The following KHDC4 variants were observed in gnomAD, a reference collection of about 807,000 sequenced individuals.
The protein encoded by KHDC4 is KH domain containing 4, pre-mRNA splicing factor.
A neutral mutation model predicts 74.5 loss-of-function variants in KHDC4; 19 were observed. That is an observed-to-expected ratio of 0.26 (90% CI 0.18 to 0.37). KHDC4 has a LOEUF of 0.37. Ranked by LOEUF, KHDC4 falls within the 10% of genes least tolerant of loss-of-function variation. The probability of loss-of-function intolerance (pLI) is 1.00; values close to 1 mark genes in which losing one functional copy is unlikely to be tolerated. For synonymous variants in KHDC4, 253 were observed against 266.1 expected (o/e 0.95, Z 0.48); for missense variants, 632 against 754.1 (o/e 0.84, Z 1.90).
intron 6 of KHDC4, 41 bp from the exon 7 acceptor site, chr1:155,925,884 T>G: frequency 7.1e-7 from 1 of 1,413,160 alleles, no homozygotes; most frequent in Non-Finnish European, 1.0e-6. Flanking sequence ...ACAGAATATA[T>G]AATTAAATCC....
chr1:155,929,040 GGTTA>G (rs1382568782), intron 4 of KHDC4, among the ~76,000 whole-genome samples: 13 of 151,812 alleles, frequency 8.6e-5, no homozygotes, highest in African/African-American at 1.7e-4. Context: ...AAATGTTAGT[GGTTA>G]GTATCTTCTT....
At chr1:155,922,980 C>T (rs560011417) in intron 8 of KHDC4, among the ~76,000 whole-genome samples, 1 of 152,006 alleles carries the variant, frequency 6.6e-6, no homozygotes, top group African/African-American at 2.4e-5. Flanking sequence ...CCGAGGCAGG[C>T]GGATCACGAG....
At chr1:155,915,543 T>C in intron 13 of KHDC4, 1 of 335,478 alleles carries the variant, frequency 3.0e-6, no homozygotes. Flanking sequence ...AGTCTTGCTC[T>C]ATTGCCCAGG....
At chr1:155,923,032 C>T (rs755952572) in intron 8 of KHDC4, among the ~76,000 whole-genome samples, 2 of 151,922 alleles carry the variant, frequency 1.3e-5, no homozygotes, top group Admixed American at 6.6e-5. Flanking sequence ...GGTGAAACCC[C>T]GTCTCTACTA....
chr1:155,926,796 T>C lies in KHDC4; in HGVS notation c.561A>G (p.Val187=), dbSNP rs1674010871. 1.9e-6 allele frequency: 3 copies of C among 1,614,218 alleles called. No homozygotes were observed. The highest frequency in any genetic ancestry group is 3.3e-4 in the Middle Eastern group (2 of 6,062). ...RIKEIITNGV[V]KAATGTSPTF... is the part of the protein sequence containing the mutation. Reference sequence around the variant, plus strand: ...TTGGACTTGTTCCTGTGGCAGCTTTTACCACTCCATTGGTGATAATTTCTT... The same window carrying C: ...TTGGACTTGTTCCTGTGGCAGCTTTCACCACTCCATTGGTGATAATTTCTT... The change falls in exon 6 of 14, where the codon GTA becomes GTG. Residue 187 remains valine (V), a synonymous_variant. Coordinates refer to ENST00000368321, the MANE Select transcript of KHDC4 (RefSeq NM_014949.4).
intron 2 of KHDC4, among the ~76,000 whole-genome samples, chr1:155,931,079 T>C (rs1036489897): frequency 3.3e-5 from 5 of 151,736 alleles, no homozygotes; most frequent in African/African-American, 1.2e-4. Flanking sequence ...CCTAGCACTT[T>C]AGGAGGCTGA....
intron 4 of KHDC4, among the ~76,000 whole-genome samples, chr1:155,928,683 T>C (rs1028564861): frequency 3.2e-4 from 48 of 150,530 alleles, no homozygotes; most frequent in Middle Eastern, 7.1e-3. Context: ...CCGGGCGTGG[T>C]GGCTCACGCC....
chr1:155,922,588 A>G (rs939039014), intron 8 of KHDC4, among the ~76,000 whole-genome samples: 2 of 152,214 alleles, frequency 1.3e-5, no homozygotes, highest in African/African-American at 4.8e-5. Context: ...TAACTAGGAA[A>G]TTTCCAAGTT....
intron 2 of KHDC4, chr1:155,932,487 T>C (rs1674161684): frequency 6.6e-6 from 1 of 152,186 alleles, no homozygotes; most frequent in Non-Finnish European, 1.5e-5. Flanking sequence ...CTAAATCCAG[T>C]GTTTATGTAT....
Position 155,933,651 on chromosome 1 carries a change from A to C in KHDC4, c.237T>G (p.Thr79=). The C allele has an allele frequency of 1.2e-6, 2 of 1,608,272 alleles. No individual in the cohort carries two copies. Among genetic ancestry groups the C allele is most frequent in the Non-Finnish European group, 1.7e-6 (2 of 1,175,218 alleles). Residue 79 remains threonine (T), a synonymous_variant, in exon 2 of 14, where the codon ACT becomes ACG. Transcript: ENST00000368321. ...MLMAKGKLKP[T]QNASEKLQAP... ...CAAATACCTTCTCAGAAGCATTCTG[A>C]GTTGGTTTCAGCTTCCCTTTTGCCA... is the stretch of plus-strand genomic sequence containing the variant.
intron 7 of KHDC4, among the ~76,000 whole-genome samples, chr1:155,924,581 T>TC (rs1673942004): frequency 6.7e-6 from 1 of 149,708 alleles, no homozygotes; most frequent in Non-Finnish European, 1.5e-5. Context: ...TCTCTTTTTT[T>TC]TTTTTTTTTT....
Position 155,913,958 on chromosome 1 carries a change from T to C in KHDC4, c.*163A>G. On this transcript the variant is annotated 3_prime_UTR_variant, in exon 14 of 14. Transcript: ENST00000368321. ...ATGCCACTGCAGAAATAAGGATTTT[T>C]GTGGTTGTTAAGGAACCCCTTTAAG... 1 of 608,594 alleles carries C rather than the reference T, an allele frequency of 1.6e-6. No individual in the cohort carries two copies. Among genetic ancestry groups the C allele is most frequent in the East Asian group, 2.8e-5 (1 of 36,310 alleles). The allele number at this position is 608,594 out of a possible 1,614,324, so 37.7% of individuals were successfully genotyped here. A position where few individuals can be genotyped will look rare whatever the true frequency, so the allele number is the denominator to read the frequency against.
At position 155,914,238 on chromosome 1, in the gene KHDC4, C is replaced by T; in HGVS notation, c.1728G>A (p.Glu576=). The T allele has an allele frequency of 6.2e-7, 1 of 1,614,022 alleles. No homozygotes were observed. The highest frequency in any genetic ancestry group is 8.5e-7 in the Non-Finnish European group (1 of 1,179,962). ...AYAADSSDEE[E]EHGGHKNASS... ...TTGCATTTTTATGACCTCCATGTTC[C>T]TCCTCTTCATCAGATGAATCTGCAG... Residue 576 remains glutamate (E), a synonymous_variant, in exon 14 of 14, where the codon GAG becomes GAA. Coordinates refer to ENST00000368321, the MANE Select transcript of KHDC4 (RefSeq NM_014949.4).
At position 155,926,801 on chromosome 1, in the gene KHDC4, C is replaced by T. The variant is rs1295147092; in HGVS notation, c.556G>A (p.Val186Met). The change falls in exon 6 of 14, where the codon GTG (valine) becomes ATG (methionine). Residue 186 changes from valine (V) to methionine (M), a missense_variant. Physicochemically the swap from Val to Met is conservative, Grantham distance 21 (BLOSUM62 1). Around this residue, in one of 4 missense-constraint regions of KHDC4, gnomAD observed 233 missense variants for 342.6 expected, o/e 0.68. Transcript: ENST00000368321. Reference protein sequence around the residue: ...NRIKEIITNGVVKAATGTSPT... With the variant: ...NRIKEIITNGMVKAATGTSPT... ...CTTGTTCCTGTGGCAGCTTTTACCACTCCATTGGTGATAATTTCTTTGATC... is the reference window on the plus strand; with the variant it reads ...CTTGTTCCTGTGGCAGCTTTTACCATTCCATTGGTGATAATTTCTTTGATC... 6.2e-7 allele frequency: 1 copy of T among 1,614,186 alleles called. No homozygotes were observed. Among genetic ancestry groups the T allele is most frequent in the Admixed American group, 1.7e-5 (1 of 60,016 alleles).
At chr1:155,932,662 A>C (rs1210396167) in intron 2 of KHDC4, 3 of 152,218 alleles carry the variant, frequency 2.0e-5, no homozygotes, top group East Asian at 3.8e-4. Flanking sequence ...TGACTCACAC[A>C]ATCTTTGCAA....
intron 6 of KHDC4, 115 bp from the exon 7 acceptor site, chr1:155,925,958 G>A (rs755570043): frequency 2.2e-6 from 2 of 921,826 alleles, no homozygotes; most frequent in Non-Finnish European, 1.8e-6. Flanking sequence ...AACTGGGGTA[G>A]AGTGTTGGGT....
At chr1:155,920,949 G>A (rs1673849671) in intron 10 of KHDC4, among the ~76,000 whole-genome samples, 1 of 152,178 alleles carries the variant, frequency 6.6e-6, no homozygotes, top group Non-Finnish European at 1.5e-5. Context: ...AACTATGACT[G>A]TGGCCTGCCA....
Position 155,933,649 on chromosome 1 carries a change from T to G in KHDC4, c.239A>C (p.Gln80Pro). 1 of 1,607,622 alleles carries G rather than the reference T, an allele frequency of 6.2e-7. No individual in the cohort carries two copies. The highest frequency in any genetic ancestry group is 8.5e-7 in the Non-Finnish European group (1 of 1,174,730). The part of the protein sequence containing the change: ...LMAKGKLKPT[Q>P]NASEKLQAPG... ...TTCAAATACCTTCTCAGAAGCATTCTGAGTTGGTTTCAGCTTCCCTTTTGC... is the reference window on the plus strand; with the variant it reads ...TTCAAATACCTTCTCAGAAGCATTCGGAGTTGGTTTCAGCTTCCCTTTTGC... The change falls in exon 2 of 14, where the codon CAG (glutamine) becomes CCG (proline). Residue 80 changes from glutamine to proline, a missense_variant. Physicochemically the swap from Gln to Pro is moderately conservative, Grantham distance 76 (BLOSUM62 -1). Transcript: ENST00000368321.
chr1:155,925,029 A>ATTT (rs34219961), intron 7 of KHDC4, among the ~76,000 whole-genome samples: 4 of 138,006 alleles, frequency 2.9e-5, no homozygotes, highest in Admixed American at 7.3e-5. Flanking sequence ...CACCTGGCTA[A>ATTT]TTTTTTTTTT....
Sources: gnomAD v4.1 joint callset for allele counts (sites outside exome capture counted in the v4.1 genomes callset) on GRCh38, gnomAD v4.1.1 for gene constraint, gnomAD v4.1.1 regional missense constraint, MANE v1.5 for transcripts, NCBI Gene and HGNC (gene_info 2026-07-23, HGNC 2026-07-21) for gene names.